Variants in GSE1 observed in about 807,000 individuals in gnomAD.
The protein encoded by GSE1 is genetic suppressor element 1.
Under a neutral mutation model 112.6 loss-of-function variants are expected in GSE1, and 32 were observed. That is an observed-to-expected ratio of 0.28 (90% CI 0.21 to 0.38). GSE1 has a LOEUF of 0.38. Ranked by LOEUF, GSE1 falls within the 10% of genes least tolerant of loss-of-function variation. The pLI, the probability that GSE1 is intolerant of heterozygous loss-of-function variation, is 1.00. For missense variants in GSE1, 2,348 were observed against 1,699.2 expected (o/e 1.38, Z -6.71); for synonymous variants, 1,115 against 735.6 (o/e 1.52, Z -8.35).
In GSE1 at chr16:85,214,959, G is replaced by C. The variant is rs187554358; in HGVS notation, c.2283+43152G>C. 9.2e-5 allele frequency among the ~76,000 whole-genome samples: 14 copies of C among 152,310 alleles called. No homozygotes were observed. In the East Asian group the frequency reaches 2.7e-3, roughly 29 times the overall value. ...CATTCACCCCTCCTTGCCCGGTCTT[G>C]GCCTCTGCGGGTGGCGGGTGGGTGG... On this transcript the variant is annotated intron_variant, in intron 1 of 2. Transcript: ENST00000637419.
chr16:85,652,364 C>T (rs1022303095), intron 3 of GSE1, among the ~76,000 whole-genome samples: 8 of 152,206 alleles, frequency 5.3e-5, no homozygotes, highest in Non-Finnish European at 7.3e-5. Flanking sequence ...GCGCTGGCTC[C>T]TCAATAGGAA....
chr16:85,294,549 G>A (rs969257609), intron 1 of GSE1, among the ~76,000 whole-genome samples: 1 of 151,728 alleles, frequency 6.6e-6, no homozygotes, highest in African/African-American at 2.4e-5. Flanking sequence ...AACAGTGTGG[G>A]GCTGAATTTC....
Position 85,509,321 on chromosome 16 carries a change from G to A in GSE1, c.2465-124593G>A, listed in dbSNP as rs376115988. Among the ~76,000 whole-genome samples the A allele has an allele frequency of 2.0e-4, 31 of 152,274 alleles. No homozygotes were observed. The South Asian group carries it at 4.2e-3, about 20-fold the overall frequency. ...AGTGTTGGTGGGGGACCGGGGCTGC[G>A]GTCTTCAGAGGCTGCCTGAGTCTCA... On this transcript the variant is annotated intron_variant, in intron 2 of 2. Coordinates refer to the GSE1 transcript ENST00000637419.
At chr16:85,621,179 C>T (rs948130773) in intron 1 of GSE1, among the ~76,000 whole-genome samples, 1 of 142,906 alleles carries the variant, frequency 7.0e-6, no homozygotes, top group Non-Finnish European at 1.5e-5. Context: ...GATCTCTGCA[C>T]TGTTGGGGAA....
chr16:85,234,384 G>C (rs1721029177), intron 1 of GSE1, among the ~76,000 whole-genome samples: 1 of 152,150 alleles, frequency 6.6e-6, no homozygotes, highest in African/African-American at 2.4e-5. Context: ...CACCTCCCCA[G>C]GTTCTCCGGC....
intron 1 of GSE1, among the ~76,000 whole-genome samples, chr16:85,205,588 C>G (rs1422863305): frequency 2.6e-5 from 4 of 152,088 alleles, no homozygotes; most frequent in African/African-American, 9.7e-5. Flanking sequence ...CCCTCAAACA[C>G]ACTCATCCCC....
At position 85,202,143 on chromosome 16, in the gene GSE1, C is replaced by T. The variant is rs148770487; in HGVS notation, c.2283+30336C>T. ...CCCCTGTTAGGCCCCCATCAGGGCCCGGGCGGCCTGTGATGTGGAGGAACT... is the reference window on the plus strand; with the variant it reads ...CCCCTGTTAGGCCCCCATCAGGGCCTGGGCGGCCTGTGATGTGGAGGAACT... On this transcript the variant is annotated intron_variant, in intron 1 of 2. Coordinates refer to the GSE1 transcript ENST00000637419. Among the ~76,000 whole-genome samples, 29 of 152,294 alleles carry T rather than the reference C, an allele frequency of 1.9e-4. 1 individual carries two copies. The East Asian group carries it at 1.9e-3, about 10-fold the overall frequency.
At chr16:85,565,876 C>CCTTT (rs2045726664) in intron 1 of GSE1, among the ~76,000 whole-genome samples, 1 of 152,202 alleles carries the variant, frequency 6.6e-6, no homozygotes, top group Non-Finnish European at 1.5e-5. Flanking sequence ...CCCCGGGTGT[C>CCTTT]CTTGCCAGTC....
At chr16:85,322,304 G>C (rs1468242409) in intron 1 of GSE1, among the ~76,000 whole-genome samples, 5 of 152,232 alleles carry the variant, frequency 3.3e-5, no homozygotes, top group South Asian at 4.1e-4. Context: ...GGGCGGGCGG[G>C]GGGGAAGGTG....
intron 2 of GSE1, among the ~76,000 whole-genome samples, chr16:85,366,473 C>T (rs774534503): frequency 9.2e-5 from 14 of 152,346 alleles, no homozygotes; most frequent in African/African-American, 2.2e-4. Context: ...CTTGTAATGC[C>T]GGGAGTGCAG....
chr16:85,533,375 G>A (rs1041929111), intron 2 of GSE1, among the ~76,000 whole-genome samples: 7 of 152,114 alleles, frequency 4.6e-5, no homozygotes, highest in South Asian at 2.1e-4. Flanking sequence ...AGCCGAGATC[G>A]CACCATTGCA....
At chr16:85,477,950 A>T (rs1201692093) in intron 2 of GSE1, among the ~76,000 whole-genome samples, 1 of 152,054 alleles carries the variant, frequency 6.6e-6, no homozygotes, top group Admixed American at 6.5e-5. Flanking sequence ...CATGGTGTTG[A>T]GTCATCACGA....
At chr16:85,612,507 C>T (rs983567043), upstream of GSE1, among the ~76,000 whole-genome samples, 2 of 152,180 alleles carry the variant, frequency 1.3e-5, no homozygotes, top group African/African-American at 2.4e-5. Context: ...AATGATCCCC[C>T]TGGCGAAGCG....
intron 1 of GSE1, among the ~76,000 whole-genome samples, chr16:85,557,069 C>T (rs1039757446): frequency 1.5e-4 from 23 of 151,834 alleles, no homozygotes; most frequent in African/African-American, 2.2e-4. Flanking sequence ...GTTTGGGGAG[C>T]CCCTCCTGAA....
At chr16:85,638,496 T>TC (rs1000434272) in intron 2 of GSE1, among the ~76,000 whole-genome samples, 12 of 152,206 alleles carry the variant, frequency 7.9e-5, no homozygotes, top group African/African-American at 2.9e-4. Flanking sequence ...TGCTGTGTGA[T>TC]CCGGGCAGGC....
chr16:85,517,182 A>C (rs1254095594), intron 2 of GSE1, among the ~76,000 whole-genome samples: 1 of 151,452 alleles, frequency 6.6e-6, no homozygotes, highest in Non-Finnish European at 1.5e-5. Context: ...GGGGAGATGA[A>C]GGCAGCCTAG....
At chr16:85,462,378 G>A (rs1437714838) in intron 2 of GSE1, among the ~76,000 whole-genome samples, 1 of 151,898 alleles carries the variant, frequency 6.6e-6, no homozygotes, top group Non-Finnish European at 1.5e-5. Context: ...CAGCTTGTTG[G>A]TTGGTTGCCT....
At chr16:85,490,072 A>G (rs954910152) in intron 2 of GSE1, 1 of 152,304 alleles carries the variant, frequency 6.6e-6, no homozygotes, top group Non-Finnish European at 1.5e-5. Context: ...CTGTGGCTTT[A>G]TGCTATTTGC....
At chr16:85,604,501 G>A (rs1026099537) in intron 1 of GSE1, among the ~76,000 whole-genome samples, 3 of 151,732 alleles carry the variant, frequency 2.0e-5, no homozygotes, top group African/African-American at 7.3e-5. Flanking sequence ...GCGAAGGTAT[G>A]TTTCATGCCT....
Sources: gnomAD v4.1 joint callset for allele counts (sites outside exome capture counted in the v4.1 genomes callset) on GRCh38, gnomAD v4.1.1 for gene constraint, MANE v1.5 for transcripts, NCBI Gene and HGNC (gene_info 2026-07-23, HGNC 2026-07-21) for gene names.